FBXW11: variants seen among roughly 807,000 people sequenced by gnomAD.
FBXW11 encodes the protein F-box/WD repeat-containing protein 11.
FBXW11 carries 19 observed loss-of-function variants against 77.6 expected under a neutral mutation model. That is an observed-to-expected ratio of 0.24 (90% CI 0.17 to 0.36). The LOEUF (loss-of-function observed/expected upper bound fraction) is 0.36. FBXW11 is among the 10% of genes least tolerant of loss of function. The pLI, the probability that FBXW11 is intolerant of heterozygous loss-of-function variation, is 1.00. For synonymous variants in FBXW11, 235 were observed against 249.4 expected (o/e 0.94, Z 0.54); for missense variants, 334 against 704.2 (o/e 0.47, Z 5.95).
intron 3 of FBXW11, among the ~76,000 whole-genome samples, chr5:171,913,799 AC>A (rs984322208): frequency 4.8e-5 from 7 of 146,398 alleles, no homozygotes; most frequent in Non-Finnish European, 7.5e-5. Flanking sequence ...TGCTCCCCAA[AC>A]CCCCAACCAC....
At chr5:171,889,594 A>G (rs896180352) in intron 7 of FBXW11, among the ~76,000 whole-genome samples, 1 of 151,870 alleles carries the variant, frequency 6.6e-6, no homozygotes, top group African/African-American at 2.4e-5. Flanking sequence ...AAAATGAGAA[A>G]ATGAAAAGAC....
chr5:171,974,383 G>A (rs765916969), intron 1 of FBXW11, among the ~76,000 whole-genome samples: 5 of 148,184 alleles, frequency 3.4e-5, no homozygotes, highest in Non-Finnish European at 7.4e-5. Context: ...ATGGTGAGCC[G>A]AGATCACACC....
At chr5:172,006,254 G>A (rs543962855) in intron 1 of FBXW11, among the ~76,000 whole-genome samples, 7 of 152,346 alleles carry the variant, frequency 4.6e-5, no homozygotes, top group East Asian at 3.9e-4. Flanking sequence ...GGGGCATGGA[G>A]GGGGCCGGGC....
chr5:171,919,178 C>T (rs1246203830), intron 2 of FBXW11, among the ~76,000 whole-genome samples: 1 of 152,006 alleles, frequency 6.6e-6, no homozygotes, highest in Non-Finnish European at 1.5e-5. Flanking sequence ...TACTAGAGGT[C>T]CATGGACTTG....
intron 2 of FBXW11, among the ~76,000 whole-genome samples, chr5:171,919,566 A>G (rs1011551554): frequency 2.0e-5 from 3 of 152,242 alleles, no homozygotes; most frequent in African/African-American, 7.2e-5. Flanking sequence ...AATAGAGAAA[A>G]TAATTGTTAT....
At chr5:171,957,796 G>A (rs1426746712) in intron 1 of FBXW11, 98 bp from the exon 2 acceptor site, 22 of 1,026,908 alleles carry the variant, frequency 2.1e-5, no homozygotes, top group Non-Finnish European at 1.8e-5. Flanking sequence ...TGGGGCAGGG[G>A]GTGCACCCTT....
intron 2 of FBXW11, among the ~76,000 whole-genome samples, chr5:171,927,272 C>T (rs1227021204): frequency 2.0e-5 from 3 of 152,342 alleles, no homozygotes; most frequent in East Asian, 3.9e-4. Context: ...CACTGGACTA[C>T]ATATGTGGAT....
chr5:171,914,419 A>G lies in FBXW11; in HGVS notation c.148-14T>C, dbSNP rs746292235. ...AACTGAAGTGTTCTAGGGGGGGAAA[A>G]ACAGGTTATTTGAATTATACCAAGT... On this transcript the variant is annotated splice_polypyrimidine_tract_variant and intron_variant, in intron 2 of 13. Coordinates refer to ENST00000517395, the MANE Select transcript of FBXW11 (RefSeq NM_001378974.1). 2.6e-6 allele frequency: 4 copies of G among 1,568,176 alleles called. No homozygotes were observed. Among genetic ancestry groups the G allele is most frequent in the Non-Finnish European group, 1.7e-6 (2 of 1,165,044 alleles).
chr5:171,932,273 A>G (rs1762249367), intron 2 of FBXW11, among the ~76,000 whole-genome samples: 1 of 152,216 alleles, frequency 6.6e-6, no homozygotes, highest in Non-Finnish European at 1.5e-5. Flanking sequence ...AAAGATATAC[A>G]GATGACAAAT....
At chr5:171,989,413 C>T (rs1267014695) in intron 1 of FBXW11, among the ~76,000 whole-genome samples, 3 of 152,228 alleles carry the variant, frequency 2.0e-5, no homozygotes, top group Non-Finnish European at 4.4e-5. Flanking sequence ...CGGGATAACC[C>T]GTCATTAAGT....
intron 7 of FBXW11, among the ~76,000 whole-genome samples, chr5:171,879,626 C>T (rs1758368599): frequency 6.6e-6 from 1 of 152,162 alleles, no homozygotes; most frequent in Non-Finnish European, 1.5e-5. Context: ...TGTCAGTGTT[C>T]TGGATTTTGG....
chr5:171,979,820 G>A (rs1027702254), intron 1 of FBXW11, among the ~76,000 whole-genome samples: 5 of 152,220 alleles, frequency 3.3e-5, no homozygotes, highest in East Asian at 3.9e-4. Flanking sequence ...GCTTAGCCAC[G>A]AGAGTACACT....
At chr5:171,911,176 G>A (rs1233903572) in intron 3 of FBXW11, among the ~76,000 whole-genome samples, 1 of 152,262 alleles carries the variant, frequency 6.6e-6, no homozygotes, top group African/African-American at 2.4e-5. Flanking sequence ...TGCTCAACTT[G>A]GCAAAGTGGC....
Position 171,869,955 on chromosome 5 carries a change from C to G in FBXW11, c.1452-148G>C. On this transcript the variant is annotated intron_variant, in intron 11 of 13. Transcript: ENST00000517395. The surrounding 1 kb of genome is among the most constrained non-coding windows in gnomAD (Gnocchi z 4.1). ...TTATGTTTTTACAAATCATCTGAACCAATTACACTTGATTTTGGAAAAATT... is the reference window on the plus strand; with the variant it reads ...TTATGTTTTTACAAATCATCTGAACGAATTACACTTGATTTTGGAAAAATT... The G allele has an allele frequency of 4.4e-6, 2 of 454,472 alleles. No homozygotes were observed. Among genetic ancestry groups the G allele is most frequent in the Admixed American group, 4.3e-5 (1 of 23,130 alleles). 28.2% of individuals were successfully genotyped at this position (454,472 alleles called of 1,614,324 possible).
At chr5:171,980,931 A>C (rs1765106818) in intron 1 of FBXW11, among the ~76,000 whole-genome samples, 1 of 152,150 alleles carries the variant, frequency 6.6e-6, no homozygotes, top group South Asian at 2.1e-4. Flanking sequence ...GCCACTTTCA[A>C]CCATACTAGA....
In FBXW11 at chr5:171,937,356, C is replaced by A. The variant is rs1429395224; in HGVS notation, c.147+20241G>T. Among the ~76,000 whole-genome samples the A allele has an allele frequency of 2.0e-5, 3 of 152,136 alleles. No homozygotes were observed. In the East Asian group the frequency reaches 5.8e-4, roughly 29 times the overall value. ...AAGATACTTTCATAGCACATGAATA[C>A]ACAAATACTCCAGAGTAGGGTTGGC... On this transcript the variant is annotated intron_variant, in intron 2 of 13. Transcript: ENST00000517395.
intron 1 of FBXW11, among the ~76,000 whole-genome samples, chr5:172,005,347 T>C (rs1238397874): frequency 5.9e-5 from 9 of 152,242 alleles, no homozygotes; most frequent in Non-Finnish European, 1.3e-4. Context: ...ATCCTGGACA[T>C]GTCCATTTGC....
rs745720698 is a variant in FBXW11 at position 172,006,411 on chromosome 5, G to A, written c.45+47C>T. 3 of 1,503,276 alleles carry A rather than the reference G, an allele frequency of 2.0e-6. No homozygotes were observed. The African/African-American group carries it at 4.3e-5, about 22-fold the overall frequency. 93.1% of individuals were successfully genotyped at this position (1,503,276 alleles called of 1,614,324 possible). A position where few individuals can be genotyped will look rare whatever the true frequency, so the allele number is the denominator to read the frequency against. ...GACGTTGAGGTGGGCAGGCCCGCCC[G>A]GGGCCGGACGGACGGAAGCACAGAC... On this transcript the variant is annotated intron_variant, in intron 1 of 13. Transcript: ENST00000517395.
intron 3 of FBXW11, among the ~76,000 whole-genome samples, chr5:171,914,129 C>G (rs1031137417): frequency 6.6e-6 from 1 of 152,204 alleles, no homozygotes; most frequent in Non-Finnish European, 1.5e-5. Context: ...CAGCCAACTT[C>G]AGAATCTTTG....
Sources: allele counts gnomAD v4.1 joint callset (sites outside exome capture counted in the v4.1 genomes callset), GRCh38; gene constraint gnomAD v4.1.1; non-coding constraint Gnocchi (gnomAD v3.1); transcripts MANE v1.5; gene names NCBI Gene and HGNC (gene_info 2026-07-23, HGNC 2026-07-21).